The following CSTPP1 variants were observed in gnomAD, a reference collection of about 807,000 sequenced individuals.
CSTPP1 encodes the protein UPF0705 protein C11orf49.
the CSTPP1 span, among the ~76,000 whole-genome samples, chr11:46,977,323 T>C: frequency 6.6e-6 from 1 of 152,182 alleles, no homozygotes; most frequent in African/African-American, 2.4e-5. Flanking sequence ...CAGCGGGATG[T>C]CTTTTGATTT....
the CSTPP1 span, among the ~76,000 whole-genome samples, chr11:46,988,400 G>A: frequency 1.3e-5 from 2 of 152,286 alleles, no homozygotes; most frequent in African/African-American, 2.4e-5. Flanking sequence ...ATGAGATCCT[G>A]TCATTTGCAA....
the CSTPP1 span, among the ~76,000 whole-genome samples, chr11:47,156,431 C>T: frequency 6.6e-6 from 1 of 152,184 alleles, no homozygotes; most frequent in East Asian, 1.9e-4. Flanking sequence ...GGCTCAACTA[C>T]GAAATTTGAA....
the CSTPP1 span, among the ~76,000 whole-genome samples, chr11:47,148,028 G>A: frequency 4.6e-5 from 7 of 152,166 alleles, no homozygotes; most frequent in Non-Finnish European, 1.0e-4. Context: ...GCAGAGCAAT[G>A]ACCTGGACAC....
the CSTPP1 span, among the ~76,000 whole-genome samples, chr11:47,045,930 G>A: frequency 6.6e-6 from 1 of 152,028 alleles, no homozygotes; most frequent in African/African-American, 2.4e-5. Flanking sequence ...GGGATTACAG[G>A]CACCTGCCAC....
At chr11:47,096,175 T>C in the CSTPP1 span, among the ~76,000 whole-genome samples, 1 of 152,188 alleles carries the variant, frequency 6.6e-6, no homozygotes, top group Admixed American at 6.5e-5. Flanking sequence ...TTTTTAAAAA[T>C]AAGACACCAA....
At chr11:47,155,317 C>T in the CSTPP1 span, 1 of 1,412,388 alleles carries the variant, frequency 7.1e-7, no homozygotes, top group Non-Finnish European at 1.0e-6. Context: ...CCCTGTCCTG[C>T]CCTGCTGCCC....
chr11:47,133,115 T>C, the CSTPP1 span, among the ~76,000 whole-genome samples: 1 of 152,182 alleles, frequency 6.6e-6, no homozygotes, highest in Admixed American at 6.5e-5. Context: ...AAAGCTAGGA[T>C]TTGGACCCGA....
the CSTPP1 span, among the ~76,000 whole-genome samples, chr11:47,065,945 T>G: frequency 6.7e-6 from 1 of 149,724 alleles, no homozygotes; most frequent in Non-Finnish European, 1.5e-5. Flanking sequence ...GTATGCTGCA[T>G]CTTTGCTGAA....
the CSTPP1 span, among the ~76,000 whole-genome samples, chr11:47,039,825 C>T: frequency 7.8e-6 from 1 of 128,252 alleles, no homozygotes; most frequent in East Asian, 2.1e-4. Flanking sequence ...GGCGAAAGAG[C>T]GAGACTCCGT....
At chr11:47,094,083 A>AT in the CSTPP1 span, among the ~76,000 whole-genome samples, 1 of 152,164 alleles carries the variant, frequency 6.6e-6, no homozygotes, top group African/African-American at 2.4e-5. Context: ...CAGGAAGACA[A>AT]TTTTCACAAT....
chr11:47,111,318 G>A, the CSTPP1 span, among the ~76,000 whole-genome samples: 1 of 152,154 alleles, frequency 6.6e-6, no homozygotes, highest in African/African-American at 2.4e-5. Context: ...CACCAGGAAA[G>A]GGAATGGTTT....
chr11:46,991,964 C>T, the CSTPP1 span, among the ~76,000 whole-genome samples: 2 of 152,170 alleles, frequency 1.3e-5, no homozygotes, highest in African/African-American at 4.8e-5. Flanking sequence ...TTGTCTTGAA[C>T]TCCTGGCCTC....
At chr11:47,005,425 A>G in the CSTPP1 span, among the ~76,000 whole-genome samples, 2 of 152,368 alleles carry the variant, frequency 1.3e-5, no homozygotes, top group South Asian at 4.1e-4. Context: ...AACTCATTGA[A>G]TAACGAACAA....
the CSTPP1 span, among the ~76,000 whole-genome samples, chr11:47,116,805 G>A: frequency 1.3e-3 from 185 of 145,584 alleles, no homozygotes; most frequent in African/African-American, 4.6e-3. Context: ...TCAGCCTCCC[G>A]AGTAGCTGGG....
the CSTPP1 span, among the ~76,000 whole-genome samples, chr11:47,015,922 T>C: frequency 6.6e-6 from 1 of 151,972 alleles, no homozygotes; most frequent in East Asian, 1.9e-4. Context: ...AGAAAAAGCA[T>C]TTTATAAAAT....
At chr11:47,003,867 G>T in the CSTPP1 span, among the ~76,000 whole-genome samples, 1 of 152,196 alleles carries the variant, frequency 6.6e-6, no homozygotes, top group Non-Finnish European at 1.5e-5. Context: ...TGTCTTTGTT[G>T]ATGTCATTGT....
the CSTPP1 span, among the ~76,000 whole-genome samples, chr11:47,071,914 C>G: frequency 0.24 from 36,583 of 152,160 alleles, 5,136 homozygotes; most frequent in East Asian, 0.65. Flanking sequence ...CACACACTTC[C>G]CCTGCAGGCA....
At chr11:47,125,042 T>G in the CSTPP1 span, among the ~76,000 whole-genome samples, 1 of 152,304 alleles carries the variant, frequency 6.6e-6, no homozygotes, top group South Asian at 2.1e-4. Flanking sequence ...CAATTTCCTT[T>G]CCCATCAAGT....
chr11:46,974,887 C>T, the CSTPP1 span, among the ~76,000 whole-genome samples: 4 of 151,194 alleles, frequency 2.6e-5, no homozygotes, highest in African/African-American at 9.7e-5. Flanking sequence ...CACACACACA[C>T]ACACACACAC....
Sources: gnomAD v4.1 joint callset for allele counts (sites outside exome capture counted in the v4.1 genomes callset) on GRCh38, gnomAD v4.1.1 for gene constraint, MANE v1.5 for transcripts, NCBI Gene and HGNC (gene_info 2026-07-23, HGNC 2026-07-21) for gene names.